The following ATAD3C variants were observed in gnomAD, a reference collection of about 807,000 sequenced individuals.
ATAD3C encodes the protein ATPase family AAA domain containing 3C, also known as ATPase family AAA domain-containing protein 3C.
A neutral mutation model predicts 46.3 loss-of-function variants in ATAD3C; 38 were observed. The observed-to-expected ratio is 0.82, with a 90% CI of 0.63 to 1.08. ATAD3C has a LOEUF of 1.08. ATAD3C is among the 50% of genes least tolerant of loss of function. The probability of loss-of-function intolerance (pLI) is 0.00; values close to 1 mark genes in which losing one functional copy is unlikely to be tolerated. For missense variants in ATAD3C, 563 were observed against 572.7 expected, an observed-to-expected ratio of 0.98 and a Z score of 0.17; for synonymous variants, 220 against 236.4, an observed-to-expected ratio of 0.93 and a Z score of 0.63.
chr1:1,461,478 G>A lies in ATAD3C; in HGVS notation c.980+561G>A, dbSNP rs542515989. Reference sequence around the variant, plus strand: ...GCAGGGATTACAGATGTGAGCCACTGTGCCCGGCCTCTTTTACGTTCCTCT... The same window carrying A: ...GCAGGGATTACAGATGTGAGCCACTATGCCCGGCCTCTTTTACGTTCCTCT... On this transcript the variant is annotated intron_variant, in intron 10 of 11. Transcript: ENST00000378785. Among the ~76,000 whole-genome samples the A allele has an allele frequency of 8.0e-5, 12 of 149,386 alleles. 1 individual carries two copies. The South Asian group carries it at 2.6e-3, about 32-fold the overall frequency.
rs148899655 is a variant in ATAD3C, at chr1:1,466,384, C to T, written c.1090-2000C>T. ...TGGCTAACATGGTGAAACCCTGTCT[C>T]TACTAAAAAATATAAAAAATTAGCT... On this transcript the variant is annotated intron_variant, in intron 11 of 11. Coordinates refer to ENST00000378785, the MANE Select transcript of ATAD3C (RefSeq NM_001039211.3). 2.8e-3 allele frequency among the ~76,000 whole-genome samples: 421 copies of T among 151,482 alleles called. 3 individuals carry two copies. Among genetic ancestry groups the T allele is most frequent in the East Asian group, 0.013 (69 of 5,184 alleles).
chr1:1,450,072 T>TAATC lies in ATAD3C; in HGVS notation c.-611_-608dup, dbSNP rs1232465550. The TAATC allele has an allele frequency of 6.6e-6, 1 of 152,190 alleles. No individual in the cohort carries two copies. Among genetic ancestry groups the TAATC allele is most frequent in the Non-Finnish European group, 1.5e-5 (1 of 68,136 alleles). The allele number at this position is 152,190 out of a possible 1,614,324, so 9.4% of individuals were successfully genotyped here. On this transcript the variant is annotated 5_prime_UTR_variant, in exon 1 of 12. It introduces an in-frame stop codon into an upstream open reading frame of the 5' UTR. Transcript: ENST00000378785. ...TGCCGGGCGCGGTGGCTCACACCTG[T>TAATC]AATCCCAGCACTTTGGGAGGCTGAG...
intron 11 of ATAD3C, among the ~76,000 whole-genome samples, chr1:1,467,951 G>A (rs184147915): frequency 0.015 from 2,331 of 152,098 alleles, 51 homozygotes; most frequent in Middle Eastern, 0.044. Context: ...CACCAGCCAC[G>A]TGCCTCAAGG....
chr1:1,451,592 T>C (rs1384110794), intron 1 of ATAD3C, among the ~76,000 whole-genome samples: 1 of 152,068 alleles, frequency 6.6e-6, no homozygotes, highest in Non-Finnish European at 1.5e-5. Context: ...AGTGATCACC[T>C]GCGTCGGCCT....
Position 1,452,289 on chromosome 1 carries a change from C to T in ATAD3C, c.153-76C>T, listed in dbSNP as rs1258545100. On this transcript the variant is annotated intron_variant, in intron 2 of 11. Coordinates refer to ENST00000378785, the MANE Select transcript of ATAD3C (RefSeq NM_001039211.3). ...CAGGACCAGGCTGCTGTGTCAAGGC[C>T]TCACCCTCAACCTGTTCTTGCTACG... 1.9e-6 allele frequency: 3 copies of T among 1,608,208 alleles called. No homozygotes were observed. In the African/African-American group the frequency reaches 4.0e-5, roughly 21 times the overall value.
Position 1,451,897 on chromosome 1 carries a change from T to G in ATAD3C, c.76-149T>G, listed in dbSNP as rs1021825726. 14 of 1,317,976 alleles carry G rather than the reference T, an allele frequency of 1.1e-5. No individual in the cohort carries two copies. In the Admixed American group the frequency reaches 3.2e-4, roughly 30 times the overall value. 81.6% of individuals were successfully genotyped at this position (1,317,976 alleles called of 1,614,324 possible). A position where few individuals can be genotyped will look rare whatever the true frequency, so the allele number is the denominator to read the frequency against. ...CTGCCGTCCCGGCCGATGTCACCCG[T>G]GTCTGTGTCAGGGTGCGGCGTCTGC... is the stretch of plus-strand genomic sequence containing the variant. On this transcript the variant is annotated intron_variant, in intron 1 of 11. Coordinates refer to ENST00000378785, the MANE Select transcript of ATAD3C (RefSeq NM_001039211.3).
At chr1:1,453,669 C>T (rs1437096469) in intron 3 of ATAD3C, among the ~76,000 whole-genome samples, 1 of 136,960 alleles carries the variant, frequency 7.3e-6, no homozygotes, top group African/African-American at 2.9e-5. Context: ...GATGGAGTTT[C>T]CCTGTTGTTG....
rs766445266 is a variant in ATAD3C, at chr1:1,468,527, C to G, written c.1233C>G (p.Ser411=). The G allele has an allele frequency of 6.2e-7, 1 of 1,605,898 alleles. No homozygotes were observed. Among genetic ancestry groups the G allele is most frequent in the Admixed American group, 1.7e-5 (1 of 57,968 alleles). ...GGCCCGAGGACGAGCAACCCTCATC[C>G]TGAGTCCATGGGGAGACCACACCTC... ...RPGPEDEQPS[S] The change falls in exon 12 of 12, where the codon TCC becomes TCG. Residue 411 remains serine, a synonymous_variant. Transcript: ENST00000378785.
At chr1:1,461,006 C>G (rs2100486035) in intron 10 of ATAD3C, 89 bp downstream of exon 10, 2 of 1,433,180 alleles carry the variant, frequency 1.4e-6, no homozygotes, top group South Asian at 3.0e-5. Flanking sequence ...CCAGCAGGCC[C>G]TGTCTCCAGG....
In ATAD3C at chr1:1,459,464, G is replaced by A. The variant is rs1224772262; in HGVS notation, c.812+233G>A. On this transcript the variant is annotated intron_variant, in intron 9 of 11. Transcript: ENST00000378785. The surrounding 1 kb of genome is among the most constrained non-coding windows in gnomAD (Gnocchi z 4.9). ...GAGCTGGGGTCAGTCCTGTCCTCAC[G>A]GCCCTGTGCACCGCCGCCCCAGCTT... Among the ~76,000 whole-genome samples the A allele has an allele frequency of 2.0e-5, 3 of 151,870 alleles. No individual in the cohort carries two copies. The highest frequency in any genetic ancestry group is 2.1e-4 in the South Asian group (1 of 4,816).
At chr1:1,461,961 A>G (rs546196003) in intron 10 of ATAD3C, among the ~76,000 whole-genome samples, 1 of 152,144 alleles carries the variant, frequency 6.6e-6, no homozygotes, top group South Asian at 2.1e-4. Context: ...CCAGGTGATG[A>G]GGGGCCCTGG....
At chr1:1,452,808 AAAAG>A (rs796788021) in intron 3 of ATAD3C, among the ~76,000 whole-genome samples, 65 of 129,078 alleles carry the variant, frequency 5.0e-4, no homozygotes, top group African/African-American at 6.5e-4. Context: ...AAAAAAAAAA[AAAAG>A]AAAGAAAGAA....
At chr1:1,452,183 G>T (rs1638872387) in intron 2 of ATAD3C, 61 bp downstream of exon 2, 2 of 1,598,010 alleles carry the variant, frequency 1.3e-6, no homozygotes, top group Non-Finnish European at 1.7e-6. Context: ...TGAGTCGCTG[G>T]TCCCAGGGTG....
chr1:1,457,462 G>A (rs1187053598), intron 8 of ATAD3C, among the ~76,000 whole-genome samples: 6 of 151,208 alleles, frequency 4.0e-5, no homozygotes, highest in African/African-American at 1.2e-4. Flanking sequence ...TGTGCGTGGT[G>A]GCGGGCGCCC....
At chr1:1,454,177 G>A (rs866788641) in intron 3 of ATAD3C, among the ~76,000 whole-genome samples, 168 bp from the exon 4 acceptor site, 5 of 152,010 alleles carry the variant, frequency 3.3e-5, no homozygotes, top group African/African-American at 1.2e-4. Context: ...TCCTGTAACC[G>A]CGTGGCTGTG....
chr1:1,462,594 C>T lies in ATAD3C; in HGVS notation c.981-6C>T, dbSNP rs532070212. Reference sequence around the variant, plus strand: ...TGGCCGGCCCACTTGGGAACTCCTTCCCCAGGCGTCTGAAGCTGGCCCAGT... The same window carrying T: ...TGGCCGGCCCACTTGGGAACTCCTTTCCCAGGCGTCTGAAGCTGGCCCAGT... On this transcript the variant is annotated splice_polypyrimidine_tract_variant and splice_region_variant and intron_variant, in intron 10 of 11. Coordinates refer to ENST00000378785, the MANE Select transcript of ATAD3C (RefSeq NM_001039211.3). The surrounding 1 kb of genome is among the most constrained non-coding windows in gnomAD (Gnocchi z 4.5). 28 of 1,587,818 alleles carry T rather than the reference C, an allele frequency of 1.8e-5. 1 individual carries two copies. In the African/African-American group the frequency reaches 2.5e-4, roughly 14 times the overall value.
intron 1 of ATAD3C, 40 bp from the exon 2 acceptor site, chr1:1,452,006 G>T (rs766021483): frequency 1.9e-6 from 3 of 1,610,148 alleles, no homozygotes; most frequent in Non-Finnish European, 8.5e-7. Context: ...CATTTTTCTG[G>T]TTTTAAAGGC....
chr1:1,467,387 T>G (rs1639161685), intron 11 of ATAD3C, among the ~76,000 whole-genome samples: 1 of 151,866 alleles, frequency 6.6e-6, no homozygotes, highest in South Asian at 2.1e-4. Context: ...CCGGCTCCGG[T>G]CAGTGTCTCC....
intron 10 of ATAD3C, among the ~76,000 whole-genome samples, chr1:1,461,919 G>A (rs1443157282): frequency 6.6e-6 from 1 of 152,064 alleles, no homozygotes; most frequent in African/African-American, 2.4e-5. Flanking sequence ...GTTGCTGGCG[G>A]TGGGTGCAGC....
Sources: gnomAD v4.1 joint callset for allele counts (sites outside exome capture counted in the v4.1 genomes callset) on GRCh38, gnomAD v4.1.1 for gene constraint, Gnocchi (gnomAD v3.1) non-coding constraint, MANE v1.5 for transcripts, NCBI Gene and HGNC (gene_info 2026-07-23, HGNC 2026-07-21) for gene names.